Variants in ANKIB1 observed in about 807,000 individuals in gnomAD.
ANKIB1 encodes ankyrin repeat and IBR domain-containing protein 1.
Under a neutral mutation model 122.1 loss-of-function variants are expected in ANKIB1, and 43 were observed. The observed-to-expected ratio is 0.35, with a 90% CI of 0.28 to 0.45. ANKIB1 has a LOEUF of 0.45. ANKIB1 is among the 20% of genes least tolerant of loss of function. The pLI is 1.00. For missense variants in ANKIB1, 992 were observed against 1,329.5 expected (o/e 0.75, Z 3.95); for synonymous variants, 390 against 442.0 (o/e 0.88, Z 1.48).
chr7:92,252,709 C>G (rs1159679226), intron 1 of ANKIB1, among the ~76,000 whole-genome samples: 6 of 151,972 alleles, frequency 3.9e-5, no homozygotes, highest in Admixed American at 3.9e-4. Flanking sequence ...CTGACTTAGC[C>G]AATGGTAACC....
chr7:92,348,151 T>C (rs111946649), intron 7 of ANKIB1: 25 of 271,412 alleles, frequency 9.2e-5, no homozygotes, highest in Non-Finnish European at 1.6e-4. Flanking sequence ...TTCAATGAGG[T>C]CTTCTCAGTT....
chr7:92,254,483 A>C (rs1244093682), intron 1 of ANKIB1, among the ~76,000 whole-genome samples: 2 of 152,206 alleles, frequency 1.3e-5, no homozygotes, highest in Admixed American at 6.5e-5. Context: ...TATTTTCTCT[A>C]TAAACTGTCA....
Position 92,389,527 on chromosome 7 carries a change from C to T in ANKIB1, c.1907-444C>T, listed in dbSNP as rs543661957. On this transcript the variant is annotated intron_variant, in intron 14 of 19. Coordinates refer to ENST00000265742, the MANE Select transcript of ANKIB1 (RefSeq NM_019004.2). ...CCAGAATGTTGTATCTTTTTCCTTACGGTATTGGTTTTGCATAATTAGGCT... is the reference window on the plus strand; with the variant it reads ...CCAGAATGTTGTATCTTTTTCCTTATGGTATTGGTTTTGCATAATTAGGCT... 8.6e-5 allele frequency among the ~76,000 whole-genome samples: 13 copies of T among 152,006 alleles called. No homozygotes were observed. The East Asian group carries it at 1.5e-3, about 18-fold the overall frequency.
chr7:92,252,293 C>A (rs1348167503), intron 1 of ANKIB1, among the ~76,000 whole-genome samples: 1 of 152,070 alleles, frequency 6.6e-6, no homozygotes, highest in Non-Finnish European at 1.5e-5. Flanking sequence ...ATGACTCCCA[C>A]CTGAATTAAC....
intron 4 of ANKIB1, among the ~76,000 whole-genome samples, chr7:92,322,592 C>T (rs1197948220): frequency 6.6e-6 from 1 of 152,032 alleles, no homozygotes; most frequent in African/African-American, 2.4e-5. Context: ...CTTAAGCAAA[C>T]ATATATGTAT....
intron 11 of ANKIB1, among the ~76,000 whole-genome samples, chr7:92,385,819 A>G (rs949313515): frequency 6.6e-6 from 1 of 152,296 alleles, no homozygotes; most frequent in Non-Finnish European, 1.5e-5. Context: ...AACACGGGAC[A>G]TGTATACATA....
chr7:92,392,203 T>A, intron 16 of ANKIB1, 38 bp from the exon 17 acceptor site: 2 of 1,565,914 alleles, frequency 1.3e-6, no homozygotes, highest in Non-Finnish European at 1.8e-6. Flanking sequence ...TTTGTAGTAT[T>A]GATATTAAAT....
At chr7:92,304,387 G>T (rs1011192130) in intron 2 of ANKIB1, among the ~76,000 whole-genome samples, 1 of 152,048 alleles carries the variant, frequency 6.6e-6, no homozygotes, top group African/African-American at 2.4e-5. Flanking sequence ...TGAACCCGGC[G>T]GATTGGCAAG....
chr7:92,396,734 T>G (rs1424279291), intron 18 of ANKIB1, among the ~76,000 whole-genome samples: 1 of 152,224 alleles, frequency 6.6e-6, no homozygotes, highest in Non-Finnish European at 1.5e-5. Context: ...TCTCTAAGGT[T>G]GTTTCCATAT....
chr7:92,370,847 T>G (rs1804230318), intron 10 of ANKIB1, among the ~76,000 whole-genome samples: 1 of 152,192 alleles, frequency 6.6e-6, no homozygotes, highest in Admixed American at 6.5e-5. Context: ...GTTGGTTTTC[T>G]ATGCTTTAAT....
chr7:92,360,585 C>T (rs1803919839), intron 9 of ANKIB1, among the ~76,000 whole-genome samples: 1 of 152,116 alleles, frequency 6.6e-6, no homozygotes, highest in Non-Finnish European at 1.5e-5. Context: ...GCTTTCAGTT[C>T]TCTCATACCT....
chr7:92,274,555 T>G (rs906749588), intron 1 of ANKIB1, among the ~76,000 whole-genome samples: 2 of 152,174 alleles, frequency 1.3e-5, no homozygotes, highest in African/African-American at 2.4e-5. Flanking sequence ...AGTAATTTTC[T>G]TTGTGGTCAT....
At chr7:92,284,038 G>C (rs1193910656) in intron 1 of ANKIB1, among the ~76,000 whole-genome samples, 2 of 151,984 alleles carry the variant, frequency 1.3e-5, no homozygotes, top group Non-Finnish European at 2.9e-5. Context: ...CAAAGTGCTG[G>C]GATTACAGAC....
intron 5 of ANKIB1, among the ~76,000 whole-genome samples, chr7:92,337,381 A>G (rs140775876): frequency 0.013 from 1,967 of 152,252 alleles, 41 homozygotes; most frequent in African/African-American, 0.044. Context: ...TTACTATTTA[A>G]GAGCTCTCTT....
Position 92,343,127 on chromosome 7 carries a change from T to C in ANKIB1, c.891T>C (p.Asn297=). ...CAACTCCACCACCAAGTGGGTATAA[T>C]GCCTGGGACACGCTCCCATCTCCAA... ...QMPTPPPSGY[N]AWDTLPSPRT... Residue 297 remains asparagine (N), a synonymous_variant, in exon 6 of 20, where the codon AAT becomes AAC. Transcript: ENST00000265742. The C allele has an allele frequency of 6.2e-7, 1 of 1,613,922 alleles. No homozygotes were observed. The highest frequency in any genetic ancestry group is 8.5e-7 in the Non-Finnish European group (1 of 1,179,876).
At chr7:92,290,019 G>A (rs748248836) in intron 1 of ANKIB1, among the ~76,000 whole-genome samples, 13 of 152,120 alleles carry the variant, frequency 8.5e-5, no homozygotes, top group Non-Finnish European at 1.8e-4. Context: ...GTTTTGCCAT[G>A]TTGGCCAGGC....
chr7:92,307,923 C>G (rs1802600265), intron 3 of ANKIB1, among the ~76,000 whole-genome samples: 1 of 147,482 alleles, frequency 6.8e-6, no homozygotes, highest in Admixed American at 6.9e-5. Flanking sequence ...AAGAGATTCT[C>G]CTGCCTCAGC....
intron 1 of ANKIB1, among the ~76,000 whole-genome samples, chr7:92,293,450 G>A (rs1481066213): frequency 3.9e-5 from 6 of 152,010 alleles, no homozygotes; most frequent in Non-Finnish European, 5.9e-5. Flanking sequence ...TCACCCTCCC[G>A]AATAACTGGT....
intron 17 of ANKIB1, 120 bp downstream of exon 17, chr7:92,392,412 G>T: frequency 1.2e-6 from 1 of 839,148 alleles, no homozygotes; most frequent in South Asian, 2.5e-5. Flanking sequence ...TCTTTCTTTT[G>T]TAACAAAAAT....
Sources: allele counts gnomAD v4.1 joint callset (sites outside exome capture counted in the v4.1 genomes callset), GRCh38; gene constraint gnomAD v4.1.1; transcripts MANE v1.5; gene names NCBI Gene and HGNC (gene_info 2026-07-23, HGNC 2026-07-21).